The following SRPK2 variants were observed in gnomAD, a reference collection of about 807,000 sequenced individuals.
SRPK2 encodes the protein SRSF protein kinase 2.
SRPK2 carries 21 observed loss-of-function variants against 90.8 expected under a neutral mutation model. The ratio of observed to expected loss-of-function variants is 0.23; its 90% CI spans 0.16 to 0.33. The LOEUF (loss-of-function observed/expected upper bound fraction) is 0.33, where lower values mean the gene tolerates loss of function less well. SRPK2 is among the 10% of genes least tolerant of loss of function. The pLI is 1.00. For synonymous variants in SRPK2, 288 were observed against 311.1 expected, an observed-to-expected ratio of 0.93 and a Z score of 0.78; for missense variants, 620 against 869.0, an observed-to-expected ratio of 0.71 and a Z score of 3.60.
At chr7:105,160,938 A>T (rs1032447038) in intron 6 of SRPK2, among the ~76,000 whole-genome samples, 20 of 150,628 alleles carry the variant, frequency 1.3e-4, no homozygotes, top group African/African-American at 4.6e-4. Context: ...CTTTATTTTT[A>T]TTTTTTTTTG....
At chr7:105,137,403 A>G (rs111764014) in intron 11 of SRPK2, among the ~76,000 whole-genome samples, 1,545 of 152,270 alleles carry the variant, frequency 0.01, 25 homozygotes, top group African/African-American at 0.035. Flanking sequence ...GAAGAAGTTA[A>G]GCCTTAAACA....
chr7:105,300,909 A>G (rs1185307481), intron 2 of SRPK2, among the ~76,000 whole-genome samples: 11 of 152,206 alleles, frequency 7.2e-5, no homozygotes, highest in Non-Finnish European at 1.6e-4. Context: ...ACACTTTTAC[A>G]CTGTTGGTGG....
chr7:105,128,800 T>G (rs2129574336), intron 13 of SRPK2, among the ~76,000 whole-genome samples: 1 of 152,354 alleles, frequency 6.6e-6, no homozygotes. Context: ...TGGGCTCCAG[T>G]GATCCTCTCT....
At chr7:105,138,836 C>T (rs994146018) in intron 11 of SRPK2, among the ~76,000 whole-genome samples, 1 of 152,110 alleles carries the variant, frequency 6.6e-6, no homozygotes, top group African/African-American at 2.4e-5. Flanking sequence ...TATTCTTACA[C>T]GTTGTAATAG....
At chr7:105,362,528 A>AT (rs1350844568) in intron 2 of SRPK2, among the ~76,000 whole-genome samples, 1 of 151,992 alleles carries the variant, frequency 6.6e-6, no homozygotes, top group Non-Finnish European at 1.5e-5. Context: ...AAAAAAAAAA[A>AT]AAAAAAAGTC....
intron 2 of SRPK2, among the ~76,000 whole-genome samples, chr7:105,223,073 C>G (rs1032969851): frequency 1.3e-5 from 2 of 152,190 alleles, no homozygotes; most frequent in East Asian, 3.8e-4. Flanking sequence ...CCCAGCTGAC[C>G]ACTGAGCGCA....
intron 2 of SRPK2, among the ~76,000 whole-genome samples, chr7:105,255,403 T>C (rs1208817100): frequency 1.3e-5 from 2 of 151,978 alleles, no homozygotes; most frequent in African/African-American, 4.8e-5. Context: ...TTCTACTGCA[T>C]TATAGGTAGT....
intron 2 of SRPK2, among the ~76,000 whole-genome samples, chr7:105,379,092 G>A (rs1469556328): frequency 6.6e-6 from 1 of 151,846 alleles, no homozygotes; most frequent in Admixed American, 6.6e-5. Context: ...AGGAATTTGA[G>A]GTGGCAGTGA....
At chr7:105,370,616 CTT>C (rs199888481) in intron 2 of SRPK2, among the ~76,000 whole-genome samples, 7 of 129,968 alleles carry the variant, frequency 5.4e-5, no homozygotes, top group Non-Finnish European at 4.8e-5. Flanking sequence ...TTTTTTCTTT[CTT>C]TTTTTTTTTT....
intron 9 of SRPK2, among the ~76,000 whole-genome samples, chr7:105,144,282 C>T (rs1361497439): frequency 1.3e-5 from 2 of 149,650 alleles, no homozygotes; most frequent in Non-Finnish European, 3.0e-5. Flanking sequence ...ACTCTGTCGC[C>T]CAGGCTGGAG....
intron 2 of SRPK2, among the ~76,000 whole-genome samples, chr7:105,279,908 C>G (rs867196423): frequency 2.0e-5 from 3 of 152,168 alleles, no homozygotes; most frequent in Non-Finnish European, 2.9e-5. Context: ...ATGCTGTGTT[C>G]AGCAGGAGGC....
At chr7:105,197,249 A>G (rs1440535767) in intron 3 of SRPK2, among the ~76,000 whole-genome samples, 2 of 152,202 alleles carry the variant, frequency 1.3e-5, no homozygotes, top group African/African-American at 4.8e-5. Flanking sequence ...GTGTATAGGA[A>G]GAAACTCATC....
At chr7:105,282,864 G>C (rs1807526857) in intron 2 of SRPK2, among the ~76,000 whole-genome samples, 1 of 146,430 alleles carries the variant, frequency 6.8e-6, no homozygotes, top group African/African-American at 2.6e-5. Context: ...CCCACAAGAT[G>C]GGAGAAAATA....
chr7:105,208,532 G>C (rs902331009), intron 2 of SRPK2, among the ~76,000 whole-genome samples: 1 of 152,164 alleles, frequency 6.6e-6, no homozygotes, highest in Non-Finnish European at 1.5e-5. Flanking sequence ...ATGCCAGTCA[G>C]AAAAGACCGC....
intron 3 of SRPK2, among the ~76,000 whole-genome samples, chr7:105,171,278 A>G (rs982060933): frequency 1.3e-5 from 2 of 152,192 alleles, no homozygotes; most frequent in Non-Finnish European, 2.9e-5. Context: ...AATACGGAGG[A>G]TAAGATGTTA....
chr7:105,298,981 G>A (rs1000315613), intron 2 of SRPK2, among the ~76,000 whole-genome samples: 8 of 152,116 alleles, frequency 5.3e-5, no homozygotes, highest in African/African-American at 1.9e-4. Flanking sequence ...CACCATGAAT[G>A]CCCTCTACGT....
At chr7:105,126,957 C>A in intron 14 of SRPK2, 36 bp downstream of exon 14, 1 of 1,607,142 alleles carries the variant, frequency 6.2e-7, no homozygotes, top group Non-Finnish European at 8.5e-7. Flanking sequence ...TGGCAGAAGA[C>A]CTAGACCGAG....
intron 2 of SRPK2, among the ~76,000 whole-genome samples, chr7:105,353,752 T>C (rs1016746394): frequency 6.6e-6 from 1 of 152,084 alleles, no homozygotes; most frequent in Non-Finnish European, 1.5e-5. Flanking sequence ...CCTGAGCTGA[T>C]AGGAGGGGAT....
chr7:105,124,094 A>G (rs1303213609), intron 15 of SRPK2, among the ~76,000 whole-genome samples: 1 of 152,188 alleles, frequency 6.6e-6, no homozygotes, highest in African/African-American at 2.4e-5. Flanking sequence ...CCCACGTGGA[A>G]GCTGCCTTCC....
Sources: allele counts gnomAD v4.1 joint callset (sites outside exome capture counted in the v4.1 genomes callset), GRCh38; gene constraint gnomAD v4.1.1; transcripts MANE v1.5; gene names NCBI Gene and HGNC (gene_info 2026-07-23, HGNC 2026-07-21).